The following GMDS variants were observed in gnomAD, a reference collection of about 807,000 sequenced individuals.
GMDS encodes the protein GDP-mannose 4,6-dehydratase, also known as GDP-mannose 4,6 dehydratase.
A neutral mutation model predicts 49.9 loss-of-function variants in GMDS; 20 were observed. The ratio of observed to expected loss-of-function variants is 0.40; its 90% confidence interval spans 0.28 to 0.58. The LOEUF is 0.58. GMDS is among the 20% of genes least tolerant of loss of function. The probability of loss-of-function intolerance (pLI) is 0.42; values close to 1 mark genes in which losing one functional copy is unlikely to be tolerated. For synonymous variants in GMDS, 177 were observed against 178.6 expected (o/e 0.99, Z 0.07); for missense variants, 362 against 481.4 (o/e 0.75, Z 2.32).
intron 9 of GMDS, among the ~76,000 whole-genome samples, chr6:1,703,062 G>C (rs1435162008): frequency 6.6e-6 from 1 of 152,156 alleles, no homozygotes; most frequent in African/African-American, 2.4e-5. Context: ...GCACCTTTTG[G>C]GGGAAGGAAG....
chr6:2,099,446 A>G (rs1773800176), intron 4 of GMDS, among the ~76,000 whole-genome samples: 1 of 152,126 alleles, frequency 6.6e-6, no homozygotes, highest in Non-Finnish European at 1.5e-5. Context: ...AAATTATAAT[A>G]AATACCAAAG....
chr6:1,975,043 A>AG (rs540165902), intron 4 of GMDS, among the ~76,000 whole-genome samples: 113 of 151,444 alleles, frequency 7.5e-4, no homozygotes, highest in African/African-American at 2.5e-3. Context: ...GTCTCAAAAA[A>AG]AAAACAAAAC....
intron 4 of GMDS, among the ~76,000 whole-genome samples, chr6:2,056,856 CAAAAGTATTCTG>C (rs1376606860): frequency 1.3e-5 from 2 of 152,056 alleles, no homozygotes; most frequent in African/African-American, 4.8e-5. Flanking sequence ...TTACACCAAC[CAAAAGTATTCTG>C]ATGTTAATAT....
At chr6:1,895,903 C>T (rs1398238757) in intron 7 of GMDS, among the ~76,000 whole-genome samples, 6 of 152,182 alleles carry the variant, frequency 3.9e-5, no homozygotes, top group Non-Finnish European at 7.3e-5. Context: ...CTACTCCTTT[C>T]TTTCCCTATC....
At chr6:1,739,929 T>C (rs1412884275) in intron 8 of GMDS, among the ~76,000 whole-genome samples, 1 of 152,256 alleles carries the variant, frequency 6.6e-6, no homozygotes, top group Non-Finnish European at 1.5e-5. Context: ...CTAAACAGTT[T>C]CACTATGCTT....
At chr6:1,862,760 C>T (rs752315420) in intron 7 of GMDS, among the ~76,000 whole-genome samples, 18 of 152,076 alleles carry the variant, frequency 1.2e-4, no homozygotes, top group Non-Finnish European at 2.4e-4. Flanking sequence ...TATGTTGTGC[C>T]GGTGATCTAC....
At chr6:2,068,731 G>A (rs1397571169) in intron 4 of GMDS, among the ~76,000 whole-genome samples, 2 of 152,122 alleles carry the variant, frequency 1.3e-5, no homozygotes, top group Non-Finnish European at 2.9e-5. Context: ...ACCTCTTCAA[G>A]GAAAACTACA....
At chr6:2,144,279 C>T (rs1392867308) in intron 1 of GMDS, among the ~76,000 whole-genome samples, 5 of 152,292 alleles carry the variant, frequency 3.3e-5, no homozygotes, top group African/African-American at 9.6e-5. Flanking sequence ...CAAGAGGCCA[C>T]ACAGTAGAGG....
At chr6:2,154,387 T>C (rs760798266) in intron 1 of GMDS, among the ~76,000 whole-genome samples, 3 of 152,170 alleles carry the variant, frequency 2.0e-5, no homozygotes, top group Non-Finnish European at 4.4e-5. Context: ...AATTTTCTTT[T>C]CTATTCAGAT....
Position 1,738,582 on chromosome 6 carries a change from G to A in GMDS, c.890+3886C>T, listed in dbSNP as rs976866569. ...AGCTTAGAATAGCAAAAGTGAGAAT[G>A]TTCCAGATGCTGATTGGTGTGTCTG... On this transcript the variant is annotated intron_variant, in intron 8 of 10. Transcript: ENST00000380815. Among the ~76,000 whole-genome samples, 9 of 152,320 alleles carry A rather than the reference G, an allele frequency of 5.9e-5. No homozygotes were observed. In the South Asian group the frequency reaches 1.9e-3, roughly 32 times the overall value.
At chr6:2,205,542 T>A (rs1779767718) in intron 1 of GMDS, among the ~76,000 whole-genome samples, 1 of 152,250 alleles carries the variant, frequency 6.6e-6, no homozygotes, top group Non-Finnish European at 1.5e-5. Flanking sequence ...ATCCTAATTC[T>A]TTTCTATTTA....
At chr6:2,099,266 A>C (rs984165197) in intron 4 of GMDS, among the ~76,000 whole-genome samples, 4 of 152,156 alleles carry the variant, frequency 2.6e-5, no homozygotes, top group African/African-American at 9.6e-5. Flanking sequence ...CAATTCGTTA[A>C]ATAGAAATTT....
intron 4 of GMDS, among the ~76,000 whole-genome samples, chr6:2,115,011 C>CT (rs1774765284): frequency 6.6e-6 from 1 of 152,032 alleles, no homozygotes; most frequent in Non-Finnish European, 1.5e-5. Context: ...TTTTGAGGGG[C>CT]TTTTATAACT....
At chr6:2,077,495 A>G (rs1256048723) in intron 4 of GMDS, among the ~76,000 whole-genome samples, 1 of 151,934 alleles carries the variant, frequency 6.6e-6, no homozygotes, top group Non-Finnish European at 1.5e-5. Context: ...TCATGAAGGG[A>G]TGCTGAATTT....
At chr6:1,803,018 A>G (rs1474301971) in intron 7 of GMDS, among the ~76,000 whole-genome samples, 3 of 152,252 alleles carry the variant, frequency 2.0e-5, no homozygotes, top group Non-Finnish European at 4.4e-5. Context: ...GGTTTAAAAA[A>G]ATCCATTTTT....
At chr6:2,241,982 G>A (rs1781635608) in intron 1 of GMDS, among the ~76,000 whole-genome samples, 1 of 152,196 alleles carries the variant, frequency 6.6e-6, no homozygotes, top group African/African-American at 2.4e-5. Context: ...AACCCCACTA[G>A]ATGAAGGCAT....
At chr6:1,799,868 C>A (rs541366740) in intron 7 of GMDS, among the ~76,000 whole-genome samples, 33 of 152,340 alleles carry the variant, frequency 2.2e-4, no homozygotes, top group Admixed American at 1.2e-3. Context: ...TCAACCACTA[C>A]TTCAAATACC....
At chr6:1,628,977 G>C (rs769508339) in intron 9 of GMDS, among the ~76,000 whole-genome samples, 5 of 152,194 alleles carry the variant, frequency 3.3e-5, no homozygotes, top group Non-Finnish European at 7.3e-5. Flanking sequence ...AGAGTGAATA[G>C]GAAAGCTTGA....
At chr6:1,666,672 C>T (rs566295071) in intron 9 of GMDS, among the ~76,000 whole-genome samples, 5 of 152,284 alleles carry the variant, frequency 3.3e-5, no homozygotes, top group African/African-American at 7.2e-5. Flanking sequence ...CCTTGGGATC[C>T]GGAGCTACAG....
Sources: gnomAD v4.1 joint callset for allele counts (sites outside exome capture counted in the v4.1 genomes callset) on GRCh38, gnomAD v4.1.1 for gene constraint, MANE v1.5 for transcripts, NCBI Gene and HGNC (gene_info 2026-07-23, HGNC 2026-07-21) for gene names.